PRPF18: variants seen among roughly 807,000 people sequenced by gnomAD.
PRPF18 encodes the protein pre-mRNA-splicing factor 18.
Under a neutral mutation model 46.5 loss-of-function variants are expected in PRPF18, and 38 were observed. The ratio of observed to expected loss-of-function variants is 0.82; its 90% CI spans 0.63 to 1.07. The LOEUF is 1.07. Ranked by LOEUF, PRPF18 falls within the 50% of genes least tolerant of loss-of-function variation. The pLI, the probability that PRPF18 is intolerant of heterozygous loss-of-function variation, is 0.00. For synonymous variants in PRPF18, 152 were observed against 146.7 expected, an observed-to-expected ratio of 1.04 and a Z score of -0.26; for missense variants, 263 against 410.0, an observed-to-expected ratio of 0.64 and a Z score of 3.10.
intron 9 of PRPF18, among the ~76,000 whole-genome samples, chr10:13,620,539 G>T (rs945672191): frequency 1.3e-5 from 2 of 152,178 alleles, no homozygotes; most frequent in South Asian, 4.1e-4. Flanking sequence ...AAGATCTGGA[G>T]TTAGAACACT....
At chr10:13,654,642 C>T in the PRPF18 span, 1 of 635,882 alleles carries the variant, frequency 1.6e-6, no homozygotes, top group African/African-American at 1.8e-5. Flanking sequence ...CTGGGAAGGA[C>T]CCCAGAGCAG....
At chr10:13,596,639 T>A (rs185671179) in intron 1 of PRPF18, among the ~76,000 whole-genome samples, 82 of 152,334 alleles carry the variant, frequency 5.4e-4, no homozygotes, top group African/African-American at 1.9e-3. Flanking sequence ...AATTACGGAC[T>A]GTAGATGTAA....
the PRPF18 span, chr10:13,639,476 C>T: frequency 2.0e-5 from 3 of 151,960 alleles, no homozygotes; most frequent in African/African-American, 7.3e-5. Flanking sequence ...GTTATTACTA[C>T]AGTTCCGTCT....
At chr10:13,654,492 T>C in the PRPF18 span, 1 of 1,613,684 alleles carries the variant, frequency 6.2e-7, no homozygotes, top group Non-Finnish European at 8.5e-7. Flanking sequence ...GTCGAGCTTC[T>C]CTGGCTTTGA....
chr10:13,623,604 TATA>T (rs1417023130), intron 9 of PRPF18, among the ~76,000 whole-genome samples: 4 of 152,200 alleles, frequency 2.6e-5, no homozygotes, highest in African/African-American at 9.7e-5. Flanking sequence ...TATACTTAAA[TATA>T]AAGATTACTT....
chr10:13,616,212 G>A (rs1290570193), intron 8 of PRPF18, among the ~76,000 whole-genome samples, 186 bp from the exon 9 acceptor site: 7 of 152,088 alleles, frequency 4.6e-5, no homozygotes, highest in African/African-American at 1.4e-4. Context: ...GGTGGTCCTG[G>A]GCAGGGCAGT....
chr10:13,650,011 C>T, the PRPF18 span, among the ~76,000 whole-genome samples: 1 of 152,198 alleles, frequency 6.6e-6, no homozygotes, highest in Non-Finnish European at 1.5e-5. Flanking sequence ...ACTTCAGAAT[C>T]TGTGGGGGCT....
At chr10:13,615,320 A>C (rs1405451533) in intron 8 of PRPF18, among the ~76,000 whole-genome samples, 1 of 152,252 alleles carries the variant, frequency 6.6e-6, no homozygotes, top group African/African-American at 2.4e-5. Flanking sequence ...GAAAGAACCA[A>C]GAAGCTTTAA....
At chr10:13,630,149 G>A (rs1282388107) in intron 9 of PRPF18, 111 bp from the exon 10 acceptor site, 2 of 863,212 alleles carry the variant, frequency 2.3e-6, no homozygotes, top group Middle Eastern at 2.3e-4. Flanking sequence ...ATTTGCTTGG[G>A]TCTGCTGCAT....
At chr10:13,623,488 T>G (rs2080450862) in intron 9 of PRPF18, among the ~76,000 whole-genome samples, 1 of 152,240 alleles carries the variant, frequency 6.6e-6, no homozygotes. Context: ...TTCTTCACGT[T>G]CTTAGGATGT....
chr10:13,587,056 G>T lies in PRPF18; in HGVS notation c.-31G>T. 6.2e-7 allele frequency: 1 copy of T among 1,610,198 alleles called. No individual in the cohort carries two copies. The highest frequency in any genetic ancestry group is 8.5e-7 in the Non-Finnish European group (1 of 1,176,354). ...GAGGCTGGGTTCGAGGAGCTGGAGC[G>T]GGAAACTGGAGCTTAAATTCTGGCG... On this transcript the variant is annotated 5_prime_UTR_variant, in exon 1 of 10. Transcript: ENST00000378572.
At position 13,587,109 on chromosome 10, in the gene PRPF18, T is replaced by A. The variant is rs761082227; in HGVS notation, c.23T>A (p.Ile8Asn). 4.3e-6 allele frequency: 7 copies of A among 1,613,832 alleles called. No homozygotes were observed. Among genetic ancestry groups the A allele is most frequent in the African/African-American group, 1.3e-5 (1 of 74,842 alleles). The change falls in exon 1 of 10, where the codon ATC becomes AAC. Residue 8 changes from isoleucine (I) to asparagine (N), a missense_variant. This residue lies in a region of PRPF18 where 71 missense variants were observed against 69.2 expected (regional missense o/e 1.03). Coordinates refer to ENST00000378572, the MANE Select transcript of PRPF18 (RefSeq NM_003675.4). Reference sequence around the variant, plus strand: ...GAGATGGACATTCTGAAATCAGAGATCCTTCGGAAGCGGCAGCTGGTGGAG... The same window carrying A: ...GAGATGGACATTCTGAAATCAGAGAACCTTCGGAAGCGGCAGCTGGTGGAG... MDILKSE[I>N]LRKRQLVEDR...
intron 3 of PRPF18, among the ~76,000 whole-genome samples, chr10:13,601,763 C>T (rs1218843546): frequency 1.3e-5 from 2 of 152,152 alleles, no homozygotes; most frequent in African/African-American, 2.4e-5. Context: ...ATTGGGTCTA[C>T]CTCAGGAGAC....
the PRPF18 span, chr10:13,654,474 T>G: frequency 6.2e-7 from 1 of 1,614,000 alleles, no homozygotes. Context: ...CCAATTTCAC[T>G]TGACGGTGTC....
intron 9 of PRPF18, among the ~76,000 whole-genome samples, chr10:13,618,742 G>T (rs931014538): frequency 6.6e-6 from 1 of 151,804 alleles, no homozygotes; most frequent in Non-Finnish European, 1.5e-5. Flanking sequence ...ACATAGTTCA[G>T]TATTGTACCC....
rs1484472930 is a variant in PRPF18, at chr10:13,616,391, C to T, written c.793-7C>T. On this transcript the variant is annotated splice_polypyrimidine_tract_variant and splice_region_variant and intron_variant, in intron 8 of 9. Transcript: ENST00000378572. ...CTTTCTGATTTCTTCTTACACTTTC[C>T]TTTCAGGCAAATGATGCTTATCTTC... 2 of 1,599,850 alleles carry T rather than the reference C, an allele frequency of 1.3e-6. No individual in the cohort carries two copies. The highest frequency in any genetic ancestry group is 1.7e-6 in the Non-Finnish European group (2 of 1,171,438).
At chr10:13,596,440 T>A (rs1369807543) in intron 1 of PRPF18, among the ~76,000 whole-genome samples, 1 of 152,202 alleles carries the variant, frequency 6.6e-6, no homozygotes, top group Non-Finnish European at 1.5e-5. Flanking sequence ...GGTTTTAGCA[T>A]CCATTGATGA....
chr10:13,609,996 T>A, intron 4 of PRPF18, 43 bp from the exon 5 acceptor site: 1 of 1,524,116 alleles, frequency 6.6e-7, no homozygotes, highest in South Asian at 1.2e-5. Context: ...ACAGGTGTTC[T>A]TCCTTTCATA....
At chr10:13,595,149 A>G (rs1288219660) in intron 1 of PRPF18, among the ~76,000 whole-genome samples, 2 of 151,754 alleles carry the variant, frequency 1.3e-5, no homozygotes, top group East Asian at 1.9e-4. Flanking sequence ...TCCTCCCCCC[A>G]TGTTGCTTTT....
Sources: allele counts gnomAD v4.1 joint callset (sites outside exome capture counted in the v4.1 genomes callset), GRCh38; gene constraint gnomAD v4.1.1; regional missense constraint gnomAD v4.1.1; transcripts MANE v1.5; gene names NCBI Gene and HGNC (gene_info 2026-07-23, HGNC 2026-07-21).